Variants in ABCC10 observed in about 807,000 individuals in gnomAD.
ABCC10 encodes the protein ATP-binding cassette sub-family C member 10.
Under a neutral mutation model 143.2 loss-of-function variants are expected in ABCC10, and 110 were observed. The ratio of observed to expected loss-of-function variants is 0.77; its 90% CI spans 0.66 to 0.90. The LOEUF (loss-of-function observed/expected upper bound fraction) is 0.90, where lower values mean the gene tolerates loss of function less well. Ranked by LOEUF, ABCC10 falls within the 40% of genes least tolerant of loss-of-function variation. The pLI, the probability that ABCC10 is intolerant of heterozygous loss-of-function variation, is 0.00. For missense variants in ABCC10, 1,700 were observed against 1,900.5 expected (o/e 0.89, Z 1.96); for synonymous variants, 805 against 846.7 (o/e 0.95, Z 0.85).
At chr6:43,427,793 C>A in intron 1 of ABCC10, 36 bp downstream of exon 1, 1 of 679,692 alleles carries the variant, frequency 1.5e-6, no homozygotes, top group Admixed American at 2.4e-5. Flanking sequence ...ACTGGGGAAA[C>A]CTCCTCCCGT....
chr6:43,434,790 T>A lies in ABCC10; in HGVS notation c.1550T>A (p.Ile517Asn). ...VYLWAALPVV[I>N]SIVIFITYVL... ...CTGTGGGCTGCCCTACCGGTTGTCA[T>A]CTCCATCGTTATCTTCATCACCTAT... is the stretch of plus-strand genomic sequence containing the variant. The change falls in exon 4 of 22, where the codon ATC becomes AAC. Residue 517 changes from isoleucine (I) to asparagine (N), a missense_variant. Ile to Asn is a moderately radical substitution (Grantham distance 149, BLOSUM62 -3). Transcript: ENST00000372530. 6.2e-7 allele frequency: 1 copy of A among 1,614,118 alleles called. No individual in the cohort carries two copies. The highest frequency in any genetic ancestry group is 8.5e-7 in the Non-Finnish European group (1 of 1,180,024).
Position 43,443,236 on chromosome 6 carries a change from C to A in ABCC10, c.2416+77C>A. ...GGGGATTGTGAAGTACAGACTCTGC[C>A]CCCTGCTGCATGTGTGCCCTGAGCC... On this transcript the variant is annotated intron_variant, in intron 10 of 21. Transcript: ENST00000372530. The surrounding 1 kb of genome is among the most constrained non-coding windows in gnomAD (Gnocchi z 4.2). The A allele has an allele frequency of 7.2e-7, 1 of 1,398,446 alleles. No homozygotes were observed. The highest frequency in any genetic ancestry group is 9.4e-7 in the Non-Finnish European group (1 of 1,058,612). The allele number at this position is 1,398,446 out of a possible 1,614,324, so 86.6% of individuals were successfully genotyped here. A position where few individuals can be genotyped will look rare whatever the true frequency, so the allele number is the denominator to read the frequency against.
chr6:43,445,060 G>A (rs1782887312), intron 13 of ABCC10, 65 bp from the exon 14 acceptor site: 4 of 1,593,680 alleles, frequency 2.5e-6, no homozygotes, highest in East Asian at 2.2e-5. Context: ...ATGGCATGGG[G>A]GAGGAGAAAG....
intron 15 of ABCC10, 72 bp from the exon 16 acceptor site, chr6:43,446,205 C>G (rs1783051963): frequency 6.5e-7 from 1 of 1,545,018 alleles, no homozygotes; most frequent in African/African-American, 1.4e-5. Context: ...AGGGCCTTCC[C>G]TGTTGAGGCC....
chr6:43,436,196 C>T lies in ABCC10; in HGVS notation c.1824C>T (p.Asp608=). Residue 608 remains aspartate (D), a synonymous_variant, in exon 6 of 22, where the codon GAC becomes GAT. Transcript: ENST00000372530. ...LELHGALFSW[D]PVGTSLETFI... ...TGCATGGAGCCTTGTTCTCCTGGGA[C>T]CCAGTTGGAACCAGCCTGGAGACCT... 6.2e-7 allele frequency: 1 copy of T among 1,614,140 alleles called. No individual in the cohort carries two copies. The highest frequency in any genetic ancestry group is 8.5e-7 in the Non-Finnish European group (1 of 1,180,026).
downstream of ABCC10, chr6:43,450,963 C>G (rs769298050): frequency 1.9e-5 from 30 of 1,614,100 alleles, no homozygotes; most frequent in Non-Finnish European, 2.4e-5. This position sits in a 1 kb window ranked among gnomAD's most constrained non-coding sequence, Gnocchi z 4.5. Context: ...GGTCTTGCCA[C>G]CATAGCCACT....
intron 7 of ABCC10, 193 bp downstream of exon 7, chr6:43,438,206 A>G (rs1436089026): frequency 6.7e-6 from 6 of 890,106 alleles, no homozygotes; most frequent in Non-Finnish European, 1.0e-5. Flanking sequence ...ATTACACCAG[A>G]GTGTTTTAAA....
At chr6:43,444,714 G>A in intron 12 of ABCC10, 74 bp from the exon 13 acceptor site, 2 of 1,509,774 alleles carry the variant, frequency 1.3e-6, no homozygotes, top group South Asian at 2.7e-5. Context: ...CAAGGGCGGA[G>A]AAAGGGGGCA....
chr6:43,438,802 G>T lies in ABCC10; in HGVS notation c.2127+7G>T, dbSNP rs773093648. Reference sequence around the variant, plus strand: ...CCTCAATGATGACCTCAGTGTGAGTGCCTGGCCTTGAAACCTCTTAGCTGC... The same window carrying T: ...CCTCAATGATGACCTCAGTGTGAGTTCCTGGCCTTGAAACCTCTTAGCTGC... On this transcript the variant is annotated splice_region_variant and intron_variant, in intron 8 of 21. Coordinates refer to ENST00000372530, the MANE Select transcript of ABCC10 (RefSeq NM_001198934.2). The T allele has an allele frequency of 1.9e-6, 3 of 1,613,720 alleles. No homozygotes were observed. The highest frequency in any genetic ancestry group is 4.5e-5 in the East Asian group (2 of 44,864).
chr6:43,429,275 C>T (rs1243057791), intron 2 of ABCC10, among the ~76,000 whole-genome samples: 3 of 152,094 alleles, frequency 2.0e-5, no homozygotes, highest in Admixed American at 1.3e-4. Flanking sequence ...CAGTTTATGC[C>T]TCCAAGGGCC....
intron 5 of ABCC10, 103 bp downstream of exon 5, chr6:43,436,010 G>C: frequency 6.3e-7 from 1 of 1,598,088 alleles, no homozygotes; most frequent in Admixed American, 1.7e-5. Flanking sequence ...AGAGAGAGCG[G>C]AATCCAAAAC....
Position 43,447,768 on chromosome 6 carries a change from G to A in ABCC10, c.3790G>A (p.Asp1264Asn), listed in dbSNP as rs758122607. 3 of 1,613,696 alleles carry A rather than the reference G, an allele frequency of 1.9e-6. No homozygotes were observed. Among genetic ancestry groups the A allele is most frequent in the Non-Finnish European group, 2.5e-6 (3 of 1,180,042 alleles). ...AYRPGLPNAL[D>N]GVTFCVQPGE... ...CCGGCCAGGGCTGCCGAATGCCCTG[G>A]ATGGAGTGACCTTCTGCGTGCAGCC... Residue 1264 changes from aspartate to asparagine, a missense_variant, in exon 18 of 22, where the codon GAT becomes AAT. By Grantham distance (23) the Asp-to-Asn change is conservative (BLOSUM62 1). Coordinates refer to ENST00000372530, the MANE Select transcript of ABCC10 (RefSeq NM_001198934.2).
Position 43,433,335 on chromosome 6 carries a change from T to G in ABCC10, c.1355T>G (p.Leu452Arg), listed in dbSNP as rs781123491. The G allele has an allele frequency of 5.3e-5, 85 of 1,613,568 alleles. No homozygotes were observed. Among genetic ancestry groups the G allele is most frequent in the Non-Finnish European group, 7.0e-5 (82 of 1,179,670 alleles). ...ATCATGGCCAGCAACCAGGAAATGC[T>G]ACAGCACAAGGATGCGCGGGTTAAG... ...TRIMASNQEMLQHKDARVKLV... is the reference protein window; with the variant it reads ...TRIMASNQEMRQHKDARVKLV... The change falls in exon 3 of 22, where the codon CTA (leucine) becomes CGA (arginine). Residue 452 changes from leucine to arginine, a missense_variant. Physicochemically the swap from Leu to Arg is moderately radical, Grantham distance 102. Coordinates refer to ENST00000372530, the MANE Select transcript of ABCC10 (RefSeq NM_001198934.2).
At chr6:43,446,592 C>A in intron 16 of ABCC10, 146 bp downstream of exon 16, 1 of 1,425,816 alleles carries the variant, frequency 7.0e-7, no homozygotes, top group Non-Finnish European at 9.2e-7. Context: ...TCATCACCCC[C>A]GTTTGGAGTT....
At chr6:43,446,180 A>C in intron 15 of ABCC10, 97 bp from the exon 16 acceptor site, 3 of 1,414,058 alleles carry the variant, frequency 2.1e-6, no homozygotes, top group Non-Finnish European at 2.9e-6. Flanking sequence ...GCTCCCAAGA[A>C]GGAGCTGCTC....
intron 16 of ABCC10, 117 bp downstream of exon 16, chr6:43,446,563 G>T: frequency 6.9e-7 from 1 of 1,443,444 alleles, no homozygotes; most frequent in East Asian, 2.5e-5. Flanking sequence ...TTCCCTGTGA[G>T]GATGTATCAT....
At chr6:43,428,977 A>G (rs1283916576) in intron 2 of ABCC10, among the ~76,000 whole-genome samples, 6 of 152,228 alleles carry the variant, frequency 3.9e-5, no homozygotes. Flanking sequence ...GATTCCTCCC[A>G]GACCAAGCGG....
Position 43,447,899 on chromosome 6 carries a change from C to A in ABCC10, c.3921C>A (p.Asp1307Glu). ...LEPSSGRVLLDGVDTSQLELA... is the reference protein window; with the variant it reads ...LEPSSGRVLLEGVDTSQLELA... ...CCAGTTCAGGGCGAGTGCTGCTGGA[C>A]GGCGTGGACACCAGCCAGCTGGAGC... The change falls in exon 18 of 22, where the codon GAC (aspartate) becomes GAA (glutamate). Residue 1307 changes from aspartate (D) to glutamate (E), a missense_variant. By Grantham distance (45) the Asp-to-Glu change is conservative (BLOSUM62 2). Transcript: ENST00000372530. 3 of 1,613,752 alleles carry A rather than the reference C, an allele frequency of 1.9e-6. No individual in the cohort carries two copies. Among genetic ancestry groups the A allele is most frequent in the Non-Finnish European group, 2.5e-6 (3 of 1,180,020 alleles).
intron 13 of ABCC10, 74 bp downstream of exon 13, chr6:43,445,012 G>A (rs1191917103): frequency 7.6e-6 from 12 of 1,579,058 alleles, no homozygotes; most frequent in Middle Eastern, 1.7e-4. Context: ...GGTTGTGGCC[G>A]GTATTCCAGA....
Sources: allele counts gnomAD v4.1 joint callset (sites outside exome capture counted in the v4.1 genomes callset), GRCh38; gene constraint gnomAD v4.1.1; non-coding constraint Gnocchi (gnomAD v3.1); transcripts MANE v1.5; gene names NCBI Gene and HGNC (gene_info 2026-07-23, HGNC 2026-07-21).